ZMYM2: variants seen among roughly 807,000 people sequenced by gnomAD.
ZMYM2 encodes zinc finger MYM-type containing 2.
In ZMYM2, 56 loss-of-function variants were observed where a neutral mutation model predicts 162.8. The ratio of observed to expected loss-of-function variants is 0.34; its 90% CI spans 0.28 to 0.43. ZMYM2 has a LOEUF of 0.43. Among genes scored for constraint, ZMYM2 ranks in the 20% least tolerant of loss-of-function variants. ZMYM2 has a pLI of 1.00. For synonymous variants in ZMYM2, 510 were observed against 541.6 expected (o/e 0.94, Z 0.81); for missense variants, 1,275 against 1,621.8 (o/e 0.79, Z 3.67).
At chr13:19,991,494 A>G (rs1949617290) in intron 2 of ZMYM2, among the ~76,000 whole-genome samples, 1 of 152,146 alleles carries the variant, frequency 6.6e-6, no homozygotes, top group Non-Finnish European at 1.5e-5. Context: ...CTTAGAAAAT[A>G]TTAGTTGAAT....
the ZMYM2 span, among the ~76,000 whole-genome samples, chr13:19,877,222 A>AC: frequency 0.11 from 16,055 of 151,456 alleles, 1,007 homozygotes; most frequent in Middle Eastern, 0.14. Context: ...AAAAAAAAAA[A>AC]AAAAAACAAA....
At chr13:19,978,414 G>C (rs993492617) in intron 2 of ZMYM2, among the ~76,000 whole-genome samples, 1 of 151,268 alleles carries the variant, frequency 6.6e-6, no homozygotes, top group Non-Finnish European at 1.5e-5. Context: ...TAAAATTACT[G>C]TTTTTTGGGT....
intron 2 of ZMYM2, among the ~76,000 whole-genome samples, chr13:19,961,538 A>G (rs1258452349): frequency 6.6e-6 from 1 of 152,188 alleles, no homozygotes; most frequent in African/African-American, 2.4e-5. Context: ...TTATCGCCAC[A>G]TATTTTCACA....
chr13:20,016,992 C>T (rs1231794128), intron 6 of ZMYM2, among the ~76,000 whole-genome samples: 1 of 152,156 alleles, frequency 6.6e-6, no homozygotes. Flanking sequence ...TCCATGGGCC[C>T]CTTAGGCTTT....
At chr13:19,999,337 T>C (rs934382519) in intron 3 of ZMYM2, among the ~76,000 whole-genome samples, 3 of 152,236 alleles carry the variant, frequency 2.0e-5, no homozygotes, top group African/African-American at 7.2e-5. Flanking sequence ...TTCGTGTCTC[T>C]GTTTCACATT....
At chr13:19,892,997 G>GTAATC in the ZMYM2 span, among the ~76,000 whole-genome samples, 1 of 151,784 alleles carries the variant, frequency 6.6e-6, no homozygotes, top group African/African-American at 2.4e-5. Flanking sequence ...ACAGGTGTGA[G>GTAATC]CCACCATGCC....
At chr13:19,919,609 T>C in the ZMYM2 span, among the ~76,000 whole-genome samples, 1 of 152,190 alleles carries the variant, frequency 6.6e-6, no homozygotes, top group Non-Finnish European at 1.5e-5. Flanking sequence ...TGTTGAACAC[T>C]TTTCATGTGC....
At chr13:19,932,068 ATT>A in the ZMYM2 span, among the ~76,000 whole-genome samples, 1 of 152,250 alleles carries the variant, frequency 6.6e-6, no homozygotes, top group African/African-American at 2.4e-5. Flanking sequence ...TTTAGACTCT[ATT>A]AAGAATTCCT....
intron 11 of ZMYM2, among the ~76,000 whole-genome samples, chr13:20,035,004 A>G (rs866138311): frequency 2.0e-5 from 3 of 152,110 alleles, no homozygotes; most frequent in Non-Finnish European, 2.9e-5. Flanking sequence ...GATTGTAGCT[A>G]TGGGTTTTGG....
the ZMYM2 span, among the ~76,000 whole-genome samples, chr13:19,935,758 G>A: frequency 2.0e-5 from 3 of 151,904 alleles, no homozygotes; most frequent in Admixed American, 6.6e-5. Flanking sequence ...CAGTTCTCCT[G>A]CCTTTTCCCC....
the ZMYM2 span, among the ~76,000 whole-genome samples, chr13:19,921,162 C>T: frequency 7.9e-5 from 12 of 151,016 alleles, no homozygotes; most frequent in South Asian, 2.1e-4. Flanking sequence ...TATTTTGAGA[C>T]GGAGTCTTGC....
At chr13:19,907,519 G>A in the ZMYM2 span, among the ~76,000 whole-genome samples, 1 of 152,018 alleles carries the variant, frequency 6.6e-6, no homozygotes, top group African/African-American at 2.4e-5. Context: ...TAGCACTTTG[G>A]GAGGCCAAGA....
intron 3 of ZMYM2, among the ~76,000 whole-genome samples, chr13:20,002,512 A>G (rs189547824): frequency 4.4e-4 from 67 of 152,330 alleles, no homozygotes; most frequent in Admixed American, 1.6e-3. Flanking sequence ...TAAAAAATTG[A>G]CAAAACTTGT....
chr13:20,063,862 A>G (rs7989046), intron 18 of ZMYM2, among the ~76,000 whole-genome samples: 2 of 144,992 alleles, frequency 1.4e-5, no homozygotes, highest in Admixed American at 1.4e-4. Context: ...TGATGTATAT[A>G]ATATATAAAT....
chr13:19,971,262 A>ATATATATATATATAT (rs1329532735), intron 2 of ZMYM2, among the ~76,000 whole-genome samples: 1 of 78,332 alleles, frequency 1.3e-5, no homozygotes, highest in East Asian at 6.4e-4. Flanking sequence ...ATATATATAT[A>ATATATATATATATAT]TTTTTTTTTT....
chr13:19,921,573 G>A, the ZMYM2 span, among the ~76,000 whole-genome samples: 20 of 151,716 alleles, frequency 1.3e-4, no homozygotes, highest in East Asian at 1.5e-3. Flanking sequence ...AAATTTTGTC[G>A]TTAAGCTGTG....
rs369748973 is a variant in ZMYM2, at chr13:20,005,179, G to T, written c.1239G>T (p.Gln413His). 6.3e-7 allele frequency: 1 copy of T among 1,593,430 alleles called. No homozygotes were observed. The highest frequency in any genetic ancestry group is 1.8e-5 in the Admixed American group (1 of 54,658). The change falls in exon 5 of 25, where the codon CAG becomes CAT. Residue 413 changes from glutamine (Q) to histidine (H), a missense_variant. This residue lies in a region of ZMYM2 where 276 missense variants were observed against 311.8 expected (regional missense o/e 0.89). Transcript: ENST00000610343. ...TSCLSLYEDK[Q>H]NPTKGALNKS... The stretch of plus-strand genomic sequence containing the variant: ...GTTTATCTCTCTATGAAGACAAACA[G>T]AATCCTACTAAAGGAGCTCTAAATA...
chr13:20,033,174 A>G (rs1471053440), intron 10 of ZMYM2, among the ~76,000 whole-genome samples: 1 of 152,120 alleles, frequency 6.6e-6, no homozygotes, highest in Non-Finnish European at 1.5e-5. Flanking sequence ...GCAAGCATAC[A>G]GAATAATAGT....
At chr13:19,991,220 C>T (rs1949596651) in intron 2 of ZMYM2, among the ~76,000 whole-genome samples, 2 of 151,922 alleles carry the variant, frequency 1.3e-5, no homozygotes, top group African/African-American at 4.8e-5. Context: ...CTCAAGTGAT[C>T]TTCCTGCCTC....
Sources: allele counts gnomAD v4.1 joint callset (sites outside exome capture counted in the v4.1 genomes callset), GRCh38; gene constraint gnomAD v4.1.1; regional missense constraint gnomAD v4.1.1; transcripts MANE v1.5; gene names NCBI Gene and HGNC (gene_info 2026-07-23, HGNC 2026-07-21).